KIAA1549: variants seen among roughly 807,000 people sequenced by gnomAD.
KIAA1549 encodes the protein UPF0606 protein KIAA1549.
Under a neutral mutation model 156.4 loss-of-function variants are expected in KIAA1549, and 70 were observed. The ratio of observed to expected loss-of-function variants is 0.45; its 90% confidence interval spans 0.37 to 0.55. The LOEUF (loss-of-function observed/expected upper bound fraction) is 0.55, where lower values mean the gene tolerates loss of function less well. KIAA1549 is among the 20% of genes least tolerant of loss of function. KIAA1549 has a pLI of 0.00. For synonymous variants in KIAA1549, 1,103 were observed against 1,066.4 expected, an observed-to-expected ratio of 1.03 and a Z score of -0.67; for missense variants, 2,428 against 2,540.9, an observed-to-expected ratio of 0.96 and a Z score of 0.96.
intron 18 of KIAA1549, among the ~76,000 whole-genome samples, chr7:138,842,233 T>C (rs1023450367): frequency 3.3e-5 from 5 of 152,206 alleles, no homozygotes; most frequent in African/African-American, 1.2e-4. Context: ...TCCTGTGTTG[T>C]TCACTTAACT....
chr7:138,943,860 A>G (rs1319329333), intron 1 of KIAA1549, among the ~76,000 whole-genome samples: 1 of 146,026 alleles, frequency 6.8e-6, no homozygotes, highest in South Asian at 2.2e-4. Context: ...GAAAAAAACA[A>G]AACAAAAAAA....
rs116509377 is a variant in KIAA1549, at chr7:138,891,250, G to A, written c.4032+3092C>T. On this transcript the variant is annotated intron_variant, in intron 10 of 19. Coordinates refer to ENST00000422774, the MANE Select transcript of KIAA1549 (RefSeq NM_001164665.2). ...GTTTGGTGAGTGACACCCAGTGCCTGAGGCAGCTCCAGCCGGTTGCCCAAA... is the reference window on the plus strand; with the variant it reads ...GTTTGGTGAGTGACACCCAGTGCCTAAGGCAGCTCCAGCCGGTTGCCCAAA... Among the ~76,000 whole-genome samples the A allele has an allele frequency of 6.2e-3, 952 of 152,376 alleles. 8 individuals are homozygous for A. Among genetic ancestry groups the A allele is most frequent in the African/African-American group, 0.022 (930 of 41,604 alleles).
At chr7:138,867,130 C>G (rs1810768951) in intron 15 of KIAA1549, among the ~76,000 whole-genome samples, 1 of 152,130 alleles carries the variant, frequency 6.6e-6, no homozygotes, top group African/African-American at 2.4e-5. Context: ...CTCTTTCTCC[C>G]ATAAAAGCAA....
Position 138,918,508 on chromosome 7 carries a change from G to A in KIAA1549, c.1118C>T (p.Ser373Leu). ...STPLAFASSA[S>L]PTDVSSNPFL... ...GGGGTTAGATGAAACATCAGTTGGT[G>A]AAGCAGAGGACGCAAATGCAAGAGG... The change falls in exon 2 of 20, where the codon TCA becomes TTA. Residue 373 changes from serine to leucine, a missense_variant. By Grantham distance (145) the Ser-to-Leu change is moderately radical. Around this residue, in one of 5 missense-constraint regions of KIAA1549, gnomAD observed 893 missense variants for 847.9 expected, o/e 1.05. Transcript: ENST00000422774. This position sits in a 1 kb window ranked among gnomAD's most constrained non-coding sequence, Gnocchi z 4.2. 6.2e-7 allele frequency: 1 copy of A among 1,614,040 alleles called. No homozygotes were observed. Among genetic ancestry groups the A allele is most frequent in the Non-Finnish European group, 8.5e-7 (1 of 1,179,888 alleles).
intron 1 of KIAA1549, among the ~76,000 whole-genome samples, chr7:138,957,225 G>C (rs1297281123): frequency 6.6e-6 from 1 of 152,126 alleles, no homozygotes; most frequent in East Asian, 1.9e-4. Context: ...GTAGGAGAGG[G>C]GAGAGGAGGA....
At chr7:138,891,729 C>G (rs778469143) in intron 10 of KIAA1549, among the ~76,000 whole-genome samples, 1 of 151,970 alleles carries the variant, frequency 6.6e-6, no homozygotes, top group African/African-American at 2.4e-5. Context: ...TATGGTGAGG[C>G]GCATCAGGAG....
chr7:138,935,026 C>CCG (rs1812969791), intron 1 of KIAA1549, among the ~76,000 whole-genome samples: 1 of 152,180 alleles, frequency 6.6e-6, no homozygotes, highest in African/African-American at 2.4e-5. Flanking sequence ...CAGTGCCCCC[C>CCG]GGAGAAATCC....
At chr7:138,974,417 A>G (rs1034792619) in intron 1 of KIAA1549, among the ~76,000 whole-genome samples, 7 of 152,058 alleles carry the variant, frequency 4.6e-5, no homozygotes, top group South Asian at 4.2e-4. Context: ...ACCAACTGCT[A>G]TGGTAGTATC....
rs773811464 is a variant in KIAA1549, at chr7:138,909,030, C to T, written c.3237G>A (p.Val1079=). The change falls in exon 5 of 20, where the codon GTG becomes GTA. Residue 1079 remains valine (V), a synonymous_variant. Coordinates refer to ENST00000422774, the MANE Select transcript of KIAA1549 (RefSeq NM_001164665.2). ...TATACGTTCCCTGGTGGTGTTTTCT[C>T]ACTTCAAAGAGAGCTGTCATTAGGC... ...EKGLMTALFE[V]RKHHQGTYNL... 83 of 1,613,936 alleles carry T rather than the reference C, an allele frequency of 5.1e-5. No individual in the cohort carries two copies. Among genetic ancestry groups the T allele is most frequent in the Non-Finnish European group, 7.0e-5 (83 of 1,179,906 alleles).
rs1809540345 is a variant in KIAA1549, at chr7:138,831,810, T to TTA, written c.*6095_*6096insTA. 1 of 232,384 alleles carries TTA rather than the reference T, an allele frequency of 4.3e-6. No individual in the cohort carries two copies. The highest frequency in any genetic ancestry group is 2.2e-5 in the African/African-American group (1 of 45,298). 14.4% of individuals were successfully genotyped at this position (232,384 alleles called of 1,614,324 possible). A position where few individuals can be genotyped will look rare whatever the true frequency, so the allele number is the denominator to read the frequency against. ...AGCTCTGCCGAGCAACCTTTCCTAT[T>TTA]AACGCTAGCCAGACTCCCTGCGTCC... On this transcript the variant is annotated 3_prime_UTR_variant, in exon 20 of 20. Transcript: ENST00000422774.
At chr7:138,925,466 C>T (rs1330587225) in intron 1 of KIAA1549, among the ~76,000 whole-genome samples, 1 of 152,018 alleles carries the variant, frequency 6.6e-6, no homozygotes, top group Non-Finnish European at 1.5e-5. Flanking sequence ...CATACCACAG[C>T]GTGTTTTGTC....
chr7:138,966,567 C>G (rs7802926), intron 1 of KIAA1549, among the ~76,000 whole-genome samples: 32,800 of 151,614 alleles, frequency 0.22, 4,336 homozygotes, highest in African/African-American at 0.36. Context: ...GGGAGAAACA[C>G]GTAGGCTGGG....
In KIAA1549 at chr7:138,831,989, T is replaced by C; in HGVS notation, c.*5917A>G. On this transcript the variant is annotated 3_prime_UTR_variant, in exon 20 of 20. Transcript: ENST00000422774. ...TTCCCCACATTTGCAGGAGGAACAG[T>C]ACAGCATATGCGACTTGAACTTGGC... 1 of 232,318 alleles carries C rather than the reference T, an allele frequency of 4.3e-6. No individual in the cohort carries two copies. The highest frequency in any genetic ancestry group is 8.5e-6 in the Non-Finnish European group (1 of 117,480). The allele number at this position is 232,318 out of a possible 1,614,324, so 14.4% of individuals were successfully genotyped here.
chr7:138,871,394 C>G, intron 12 of KIAA1549, 32 bp from the exon 13 acceptor site: 1 of 1,480,794 alleles, frequency 6.8e-7, no homozygotes, highest in Non-Finnish European at 9.0e-7. Flanking sequence ...AACACATACA[C>G]GAAGTCATCT....
intron 17 of KIAA1549, among the ~76,000 whole-genome samples, chr7:138,846,590 T>C (rs1234981083): frequency 6.6e-6 from 1 of 151,386 alleles, no homozygotes; most frequent in East Asian, 1.9e-4. Flanking sequence ...CACCATTGCT[T>C]TTGCACTTCT....
chr7:138,897,045 C>G (rs1046751904), intron 9 of KIAA1549, among the ~76,000 whole-genome samples: 1 of 152,156 alleles, frequency 6.6e-6, no homozygotes, highest in African/African-American at 2.4e-5. Flanking sequence ...ATCCCAGGAT[C>G]TTTACCCACG....
chr7:138,883,089 T>TAAAAAA (rs1201752539), intron 10 of KIAA1549, among the ~76,000 whole-genome samples: 778 of 47,068 alleles, frequency 0.017, 299 homozygotes, highest in African/African-American at 0.053. Flanking sequence ...CCATCTCCCC[T>TAAAAAA]AAAAAAAAAA....
chr7:138,922,824 G>A (rs923994736), intron 1 of KIAA1549, among the ~76,000 whole-genome samples: 1 of 151,854 alleles, frequency 6.6e-6, no homozygotes, highest in Admixed American at 6.6e-5. Flanking sequence ...TTTGATCAAA[G>A]TTTTAGGAAA....
At chr7:138,909,535 G>C (rs892679185) in intron 4 of KIAA1549, among the ~76,000 whole-genome samples, 1 of 152,144 alleles carries the variant, frequency 6.6e-6, no homozygotes, top group African/African-American at 2.4e-5. Context: ...AACAAAATTG[G>C]TGATGTTGAT....
Sources: allele counts gnomAD v4.1 joint callset (sites outside exome capture counted in the v4.1 genomes callset), GRCh38; gene constraint gnomAD v4.1.1; regional missense constraint gnomAD v4.1.1; non-coding constraint Gnocchi (gnomAD v3.1); transcripts MANE v1.5; gene names NCBI Gene and HGNC (gene_info 2026-07-23, HGNC 2026-07-21).